Variants in GALNT13 observed in about 807,000 individuals in gnomAD.
GALNT13 encodes polypeptide N-acetylgalactosaminyltransferase 13.
GALNT13 carries 28 observed loss-of-function variants against 64.2 expected under a neutral mutation model. That is an observed-to-expected ratio of 0.44 (90% CI 0.32 to 0.60). The LOEUF is 0.60. GALNT13 is among the 20% of genes least tolerant of loss of function. The probability of loss-of-function intolerance (pLI) is 0.05; values close to 1 mark genes in which losing one functional copy is unlikely to be tolerated. For missense variants in GALNT13, 577 were observed against 669.8 expected (o/e 0.86, Z 1.53); for synonymous variants, 214 against 224.6 (o/e 0.95, Z 0.42).
At chr2:153,512,991 A>AC in the GALNT13 span, among the ~76,000 whole-genome samples, 1 of 152,208 alleles carries the variant, frequency 6.6e-6, no homozygotes, top group Non-Finnish European at 1.5e-5. Flanking sequence ...TTTAAAAAAA[A>AC]TTCTAAAATA....
At chr2:153,535,220 G>A in the GALNT13 span, among the ~76,000 whole-genome samples, 1 of 152,114 alleles carries the variant, frequency 6.6e-6, no homozygotes, top group Non-Finnish European at 1.5e-5. Flanking sequence ...GGTTTTGTAT[G>A]AATTGAAAAA....
At chr2:153,856,659 A>C in the GALNT13 span, among the ~76,000 whole-genome samples, 1 of 152,188 alleles carries the variant, frequency 6.6e-6, no homozygotes, top group African/African-American at 2.4e-5. Context: ...TAGAATTTCC[A>C]TACACTCTGA....
intron 8 of GALNT13, among the ~76,000 whole-genome samples, chr2:154,275,977 G>A (rs763087545): frequency 2.0e-5 from 3 of 152,128 alleles, no homozygotes; most frequent in Non-Finnish European, 4.4e-5. Context: ...TGACTGCCCT[G>A]TTGGATTTTG....
At chr2:153,929,781 C>G (rs1207816547) in intron 2 of GALNT13, among the ~76,000 whole-genome samples, 1 of 152,058 alleles carries the variant, frequency 6.6e-6, no homozygotes, top group African/African-American at 2.4e-5. Context: ...CATGTCATTG[C>G]TATTGTGAGT....
the GALNT13 span, among the ~76,000 whole-genome samples, chr2:153,402,090 G>A: frequency 2.1e-4 from 30 of 144,252 alleles, no homozygotes; most frequent in Admixed American, 3.4e-4. Context: ...CATATTTAGC[G>A]CTTCCTTCAG....
chr2:153,189,508 C>T, the GALNT13 span, among the ~76,000 whole-genome samples: 3 of 152,088 alleles, frequency 2.0e-5, no homozygotes, highest in African/African-American at 4.8e-5. Context: ...AACTGATGGA[C>T]ACTTAGATTG....
At chr2:153,403,902 A>G in the GALNT13 span, among the ~76,000 whole-genome samples, 8 of 152,038 alleles carry the variant, frequency 5.3e-5, no homozygotes, top group Admixed American at 6.6e-5. Context: ...CGTCGCTCAC[A>G]CTGGTAGCTG....
At chr2:153,487,660 A>G in the GALNT13 span, among the ~76,000 whole-genome samples, 13 of 152,348 alleles carry the variant, frequency 8.5e-5, no homozygotes, top group South Asian at 1.5e-3. Context: ...GGTAATGAGG[A>G]CATGATACAT....
the GALNT13 span, among the ~76,000 whole-genome samples, chr2:153,455,768 A>G: frequency 6.6e-6 from 1 of 152,174 alleles, no homozygotes; most frequent in African/African-American, 2.4e-5. Context: ...TCAAGCAGCG[A>G]AGGCAAAGGG....
the GALNT13 span, among the ~76,000 whole-genome samples, chr2:153,762,865 T>C: frequency 6.6e-6 from 1 of 151,672 alleles, no homozygotes; most frequent in Non-Finnish European, 1.5e-5. Context: ...TTAATGGTTG[T>C]CTGTAGTGAA....
the GALNT13 span, among the ~76,000 whole-genome samples, chr2:153,736,981 C>T: frequency 0.033 from 5,018 of 152,308 alleles, 109 homozygotes; most frequent in African/African-American, 0.048. Context: ...CACCATCACT[C>T]TTCTGGGAGG....
chr2:154,368,171 A>G (rs111389872), intron 9 of GALNT13, among the ~76,000 whole-genome samples: 1 of 146,890 alleles, frequency 6.8e-6, no homozygotes, highest in African/African-American at 2.5e-5. Flanking sequence ...TAAAAAAAAA[A>G]TTCTCTGGCT....
At chr2:153,974,147 G>C (rs1025885937) in intron 3 of GALNT13, among the ~76,000 whole-genome samples, 3 of 151,894 alleles carry the variant, frequency 2.0e-5, no homozygotes, top group Non-Finnish European at 4.4e-5. Flanking sequence ...ACACTATTTT[G>C]TGGCTGTTAC....
chr2:153,246,618 A>T, the GALNT13 span, among the ~76,000 whole-genome samples: 1 of 152,376 alleles, frequency 6.6e-6, no homozygotes, highest in East Asian at 1.9e-4. Flanking sequence ...TGTCACCACC[A>T]GCCCTGCTTA....
chr2:153,449,635 G>T, the GALNT13 span: 1 of 156,658 alleles, frequency 6.4e-6, no homozygotes, highest in South Asian at 1.9e-4. Context: ...ACCTAAGACT[G>T]GGTAATTTAT....
At chr2:154,070,924 AAAAAAAG>A (rs1420979792) in intron 3 of GALNT13, among the ~76,000 whole-genome samples, 4 of 152,004 alleles carry the variant, frequency 2.6e-5, no homozygotes, top group African/African-American at 9.7e-5. Flanking sequence ...CAAAAGAAAA[AAAAAAAG>A]AAAAAAGGAA....
At chr2:153,963,423 T>G (rs1027790385) in intron 3 of GALNT13, among the ~76,000 whole-genome samples, 1 of 152,180 alleles carries the variant, frequency 6.6e-6, no homozygotes, top group Non-Finnish European at 1.5e-5. Context: ...TTTTCACAAC[T>G]CTTGGGAAAA....
chr2:153,115,057 G>C, the GALNT13 span, among the ~76,000 whole-genome samples: 1 of 151,300 alleles, frequency 6.6e-6, no homozygotes, highest in African/African-American at 2.5e-5. Context: ...ATGTATGCAG[G>C]TGCTAAGCAG....
At chr2:154,268,640 G>C (rs77018632) in intron 8 of GALNT13, among the ~76,000 whole-genome samples, 1 of 151,820 alleles carries the variant, frequency 6.6e-6, no homozygotes, top group African/African-American at 2.4e-5. Context: ...GAGAGACAGA[G>C]AGAGAGAGAG....
Sources: gnomAD v4.1 joint callset for allele counts (sites outside exome capture counted in the v4.1 genomes callset) on GRCh38, gnomAD v4.1.1 for gene constraint, MANE v1.5 for transcripts, NCBI Gene and HGNC (gene_info 2026-07-23, HGNC 2026-07-21) for gene names.